The following FAT4 variants were observed in gnomAD, a reference collection of about 807,000 sequenced individuals.
FAT4 encodes protocadherin Fat 4.
Under a neutral mutation model 303.9 loss-of-function variants are expected in FAT4, and 84 were observed. The ratio of observed to expected loss-of-function variants is 0.28; its 90% confidence interval spans 0.23 to 0.33. The LOEUF (loss-of-function observed/expected upper bound fraction) is 0.33, where lower values mean the gene tolerates loss of function less well. Ranked by LOEUF, FAT4 falls within the 10% of genes least tolerant of loss-of-function variation. The probability of loss-of-function intolerance (pLI) is 1.00; values close to 1 mark genes in which losing one functional copy is unlikely to be tolerated. For missense variants in FAT4, 6,005 were observed against 6,146.8 expected, an observed-to-expected ratio of 0.98 and a Z score of 0.77; for synonymous variants, 2,307 against 2,298.8, an observed-to-expected ratio of 1.00 and a Z score of -0.10.
intron 2 of FAT4, among the ~76,000 whole-genome samples, chr4:125,373,224 G>A (rs1232932844): frequency 6.6e-6 from 1 of 152,000 alleles, no homozygotes; most frequent in Non-Finnish European, 1.5e-5. Flanking sequence ...TTTATTTTTA[G>A]TCAAGTAATA....
At chr4:125,390,615 G>C (rs758229257) in intron 2 of FAT4, among the ~76,000 whole-genome samples, 1 of 152,156 alleles carries the variant, frequency 6.6e-6, no homozygotes, top group African/African-American at 2.4e-5. Flanking sequence ...TACCTACACA[G>C]CATAAACTGA....
intron 2 of FAT4, among the ~76,000 whole-genome samples, chr4:125,383,641 C>G (rs562817764): frequency 6.6e-6 from 1 of 152,248 alleles, no homozygotes; most frequent in African/African-American, 2.4e-5. Context: ...AGGGATGTCA[C>G]AAACTTCTAA....
At chr4:125,369,963 T>A (rs866247387) in intron 2 of FAT4, among the ~76,000 whole-genome samples, 14 of 152,170 alleles carry the variant, frequency 9.2e-5, no homozygotes, top group Non-Finnish European at 2.1e-4. Flanking sequence ...CCTTTTTTTT[T>A]AAAGACCGAA....
chr4:125,447,433 CT>C (rs1725862806), intron 9 of FAT4, among the ~76,000 whole-genome samples: 1 of 152,036 alleles, frequency 6.6e-6, no homozygotes, highest in Non-Finnish European at 1.5e-5. Flanking sequence ...TGCCAACTTT[CT>C]ATCAAAGGAA....
At chr4:125,380,378 T>C (rs1313895684) in intron 2 of FAT4, among the ~76,000 whole-genome samples, 2 of 152,052 alleles carry the variant, frequency 1.3e-5, no homozygotes, top group African/African-American at 4.8e-5. Context: ...AAAATACTTT[T>C]AAAAATAGGG....
intron 10 of FAT4, among the ~76,000 whole-genome samples, chr4:125,455,869 A>G (rs1288819344): frequency 6.6e-6 from 1 of 152,220 alleles, no homozygotes; most frequent in Non-Finnish European, 1.5e-5. Flanking sequence ...TTGAGGCAGG[A>G]AAGTATTTGC....
intron 2 of FAT4, among the ~76,000 whole-genome samples, chr4:125,356,701 A>G (rs1008532900): frequency 1.3e-5 from 2 of 149,976 alleles, no homozygotes; most frequent in African/African-American, 4.9e-5. Context: ...ATGTTGTAAT[A>G]GTCTTTACAA....
intron 14 of FAT4, among the ~76,000 whole-genome samples, chr4:125,477,727 A>G (rs1275767200): frequency 6.6e-6 from 1 of 152,108 alleles, no homozygotes; most frequent in Admixed American, 6.5e-5. Flanking sequence ...AGTTTTACTT[A>G]TAGACATACA....
At chr4:125,418,592 A>C (rs1735164313) in intron 7 of FAT4, among the ~76,000 whole-genome samples, 1 of 152,154 alleles carries the variant, frequency 6.6e-6, no homozygotes, top group Admixed American at 6.5e-5. Flanking sequence ...TTTCCTGTAG[A>C]TAATTAAATT....
chr4:125,350,730 G>A (rs1277514909), intron 2 of FAT4, among the ~76,000 whole-genome samples: 1 of 151,628 alleles, frequency 6.6e-6, no homozygotes, highest in African/African-American at 2.4e-5. Context: ...GGAAAACAGA[G>A]CAAGTTTACA....
chr4:125,378,966 C>T (rs555929673), intron 2 of FAT4, among the ~76,000 whole-genome samples: 2 of 151,662 alleles, frequency 1.3e-5, no homozygotes, highest in Admixed American at 6.6e-5. Flanking sequence ...CATTGGTTGC[C>T]TTGGAGAGTT....
intron 8 of FAT4, 110 bp from the exon 9 acceptor site, chr4:125,446,183 C>G (rs1725820137): frequency 1.1e-6 from 1 of 905,982 alleles, no homozygotes; most frequent in Non-Finnish European, 1.6e-6. Context: ...GTTGTATGAT[C>G]TTTCTTGTAA....
chr4:125,349,245 G>C (rs1732127364), intron 2 of FAT4, among the ~76,000 whole-genome samples: 1 of 151,668 alleles, frequency 6.6e-6, no homozygotes, highest in African/African-American at 2.4e-5. Flanking sequence ...AACAATTATA[G>C]TTGAGAGAAA....
intron 8 of FAT4, among the ~76,000 whole-genome samples, chr4:125,437,956 A>G (rs1281022680): frequency 1.3e-5 from 2 of 152,182 alleles, no homozygotes; most frequent in African/African-American, 4.8e-5. Flanking sequence ...AACAATGCTC[A>G]ATAAATGTCA....
At chr4:125,360,555 C>A (rs1578558183) in intron 2 of FAT4, among the ~76,000 whole-genome samples, 1 of 152,074 alleles carries the variant, frequency 6.6e-6, no homozygotes, top group East Asian at 1.9e-4. Context: ...TTTAATCAAA[C>A]CTATTATGTC....
chr4:125,414,727 G>C (rs1056597774), intron 5 of FAT4, among the ~76,000 whole-genome samples, 157 bp from the exon 6 acceptor site: 1 of 152,206 alleles, frequency 6.6e-6, no homozygotes, highest in Admixed American at 6.5e-5. Context: ...CTAGTAAATA[G>C]CAAGCAGTAT....
intron 3 of FAT4, among the ~76,000 whole-genome samples, chr4:125,405,721 C>G (rs550306342): frequency 1.5e-5 from 2 of 134,408 alleles, no homozygotes; most frequent in South Asian, 5.9e-4. Flanking sequence ...CCAGGATGGT[C>G]TCGATCTCCT....
At chr4:125,377,325 C>T (rs1050627218) in intron 2 of FAT4, among the ~76,000 whole-genome samples, 2 of 150,852 alleles carry the variant, frequency 1.3e-5, no homozygotes, top group Admixed American at 1.3e-4. Context: ...AATGAGCATT[C>T]TTTATCAAAA....
rs376460438 is a variant in FAT4, at chr4:125,421,343, TA to T, written c.7018+4724del. On this transcript the variant is annotated intron_variant, in intron 7 of 17. Coordinates refer to ENST00000394329, the MANE Select transcript of FAT4 (RefSeq NM_001291303.3). The stretch of plus-strand genomic sequence containing the variant: ...ACGTGGCAATTGGTTTCACATAGCT[TA>T]AATATAAGGGCCCATCATTTCACAC... 2.4e-3 allele frequency among the ~76,000 whole-genome samples: 363 copies of T among 152,308 alleles called. 4 individuals carry two copies. The highest frequency in any genetic ancestry group is 8.1e-3 in the Admixed American group (124 of 15,300).
Sources: allele counts gnomAD v4.1 joint callset (sites outside exome capture counted in the v4.1 genomes callset), GRCh38; gene constraint gnomAD v4.1.1; transcripts MANE v1.5; gene names NCBI Gene and HGNC (gene_info 2026-07-23, HGNC 2026-07-21).